Variants in HSDL2 observed in about 807,000 individuals in gnomAD.
The protein encoded by HSDL2 is hydroxysteroid dehydrogenase-like protein 2.
Under a neutral mutation model 46.3 loss-of-function variants are expected in HSDL2, and 27 were observed. The observed-to-expected ratio is 0.58, with a 90% CI of 0.43 to 0.80. The LOEUF is 0.80. HSDL2 is among the 30% of genes least tolerant of loss of function. The pLI is 0.00. For synonymous variants in HSDL2, 153 were observed against 163.6 expected (o/e 0.94, Z 0.50); for missense variants, 451 against 502.7 (o/e 0.90, Z 0.98).
At chr9:112,458,452 A>G (rs977887136) in intron 9 of HSDL2, among the ~76,000 whole-genome samples, 13 of 151,240 alleles carry the variant, frequency 8.6e-5, no homozygotes, top group African/African-American at 2.9e-4. Flanking sequence ...CAGCCTCCCA[A>G]GTAGCTGGGA....
chr9:112,380,624 G>C lies in HSDL2; in HGVS notation c.17+444G>C, dbSNP rs1270256846. On this transcript the variant is annotated intron_variant, in intron 1 of 10. Transcript: ENST00000398805. ...TGTTTAAAAAATGATTTCCAAATTA[G>C]AAACTAAACCGATCTTAAAACATGG... is the stretch of plus-strand genomic sequence containing the variant. Among the ~76,000 whole-genome samples the C allele has an allele frequency of 3.3e-5, 5 of 152,142 alleles. No homozygotes were observed. The East Asian group carries it at 9.6e-4, about 29-fold the overall frequency.
intron 10 of HSDL2, among the ~76,000 whole-genome samples, chr9:112,469,074 A>T (rs1203928755): frequency 6.6e-6 from 1 of 152,130 alleles, no homozygotes; most frequent in Non-Finnish European, 1.5e-5. Context: ...ATTATTTGTA[A>T]GTATTGGGAT....
chr9:112,385,495 AT>A (rs60858988), intron 1 of HSDL2, among the ~76,000 whole-genome samples: 14 of 130,866 alleles, frequency 1.1e-4, no homozygotes, highest in East Asian at 4.3e-4. Flanking sequence ...CACCTGGCTA[AT>A]TTTTTTTTTT....
intron 9 of HSDL2, among the ~76,000 whole-genome samples, chr9:112,458,061 C>T (rs1042600891): frequency 6.6e-6 from 1 of 151,766 alleles, no homozygotes; most frequent in South Asian, 2.1e-4. Context: ...CCTAGACTGC[C>T]TCACAAGCTC....
intron 7 of HSDL2, among the ~76,000 whole-genome samples, chr9:112,440,517 G>A (rs1334439612): frequency 2.0e-5 from 3 of 152,094 alleles, no homozygotes; most frequent in Admixed American, 6.5e-5. Flanking sequence ...ACATGTCTTG[G>A]AGTTATCAGT....
At chr9:112,421,694 C>G (rs1832128087) in intron 6 of HSDL2, among the ~76,000 whole-genome samples, 1 of 152,140 alleles carries the variant, frequency 6.6e-6, no homozygotes, top group Non-Finnish European at 1.5e-5. Context: ...AGCCACTGCA[C>G]CGGCCTTATT....
chr9:112,399,977 A>ATCTCTTAATT (rs1831552213), intron 1 of HSDL2, among the ~76,000 whole-genome samples: 1 of 152,236 alleles, frequency 6.6e-6, no homozygotes, highest in Non-Finnish European at 1.5e-5. Flanking sequence ...ATTAAAGTAA[A>ATCTCTTAATT]GACAGGCATA....
At chr9:112,380,296 G>A in intron 1 of HSDL2, 116 bp downstream of exon 1, 1 of 951,008 alleles carries the variant, frequency 1.1e-6, no homozygotes, top group Non-Finnish European at 1.6e-6. Flanking sequence ...CAAGGATACT[G>A]CCTGGGCACG....
At chr9:112,391,712 C>T (rs1201498368) in intron 1 of HSDL2, among the ~76,000 whole-genome samples, 1 of 151,770 alleles carries the variant, frequency 6.6e-6, no homozygotes, top group Non-Finnish European at 1.5e-5. Flanking sequence ...TCAAGACCAG[C>T]CCAACCAAAA....
In HSDL2 at chr9:112,404,063, AAGC is replaced by A. The variant is rs1252069850; in HGVS notation, c.91_93del (p.Ala31del). 6.2e-7 allele frequency: 1 copy of A among 1,614,202 alleles called. No individual in the cohort carries two copies. The highest frequency in any genetic ancestry group is 8.5e-7 in the Non-Finnish European group (1 of 1,180,022). ...GGCATTGGCAAAGCTATTGCATTGA[AAGC>A]AGCAAAGGATGGAGCAAATATTGTT... On this transcript the variant is annotated inframe_deletion, in exon 2 of 11. Transcript: ENST00000398805.
At chr9:112,429,535 C>A (rs538809082) in intron 6 of HSDL2, among the ~76,000 whole-genome samples, 7 of 152,286 alleles carry the variant, frequency 4.6e-5, no homozygotes, top group African/African-American at 1.7e-4. Flanking sequence ...AAATTTTATT[C>A]ATACAATAAA....
intron 6 of HSDL2, among the ~76,000 whole-genome samples, chr9:112,432,536 T>C (rs1207240143): frequency 6.6e-6 from 1 of 152,224 alleles, no homozygotes; most frequent in African/African-American, 2.4e-5. Flanking sequence ...AAAGCTTATA[T>C]AATAGGCAGA....
chr9:112,404,520 C>A (rs541124705), intron 2 of HSDL2, among the ~76,000 whole-genome samples: 71 of 150,662 alleles, frequency 4.7e-4, no homozygotes, highest in African/African-American at 1.6e-3. Flanking sequence ...GGTGACAGAG[C>A]GAGACTCCAT....
Position 112,380,137 on chromosome 9 carries a change from C to T in HSDL2, c.-27C>T, listed in dbSNP as rs999466900. On this transcript the variant is annotated 5_prime_UTR_variant, in exon 1 of 11. Transcript: ENST00000398805. Reference sequence around the variant, plus strand: ...CTCTGCTCGCCGCCGCCGCTGTCGCCGCCACCTCCTCTGATCTACGAAAGT... The same window carrying T: ...CTCTGCTCGCCGCCGCCGCTGTCGCTGCCACCTCCTCTGATCTACGAAAGT... 6.4e-6 allele frequency: 10 copies of T among 1,561,254 alleles called. No homozygotes were observed. The African/African-American group carries it at 1.1e-4, about 17-fold the overall frequency.
At chr9:112,426,341 T>C (rs529384895) in intron 6 of HSDL2, among the ~76,000 whole-genome samples, 1 of 152,016 alleles carries the variant, frequency 6.6e-6, no homozygotes, top group African/African-American at 2.4e-5. Flanking sequence ...GTTCAAGCGA[T>C]TCTCATGCCT....
In HSDL2 at chr9:112,390,065, AAAATAAAT is replaced by A. The variant is rs55985147; in HGVS notation, c.17+9913_17+9920del. On this transcript the variant is annotated intron_variant, in intron 1 of 10. Coordinates refer to ENST00000398805, the MANE Select transcript of HSDL2 (RefSeq NM_032303.5). ...GGGCAACAGAGTGAGACTCTGTCTC[AAAATAAAT>A]AAATAAATAAATAAATAAATAAATA... 6.9e-3 allele frequency among the ~76,000 whole-genome samples: 986 copies of A among 143,244 alleles called. 39 individuals carry two copies. In the East Asian group the frequency reaches 0.12, roughly 18 times the overall value. 94.0% of individuals were successfully genotyped at this position (143,244 alleles called of 152,430 possible). A position where few individuals can be genotyped will look rare whatever the true frequency, so the allele number is the denominator to read the frequency against.
chr9:112,391,305 A>C lies in HSDL2; in HGVS notation c.17+11125A>C, dbSNP rs1035562923. Among the ~76,000 whole-genome samples the C allele has an allele frequency of 1.1e-4, 17 of 151,910 alleles. No homozygotes were observed. The South Asian group carries it at 1.7e-3, about 15-fold the overall frequency. On this transcript the variant is annotated intron_variant, in intron 1 of 10. Transcript: ENST00000398805. The stretch of plus-strand genomic sequence containing the variant: ...ACATAGCAAGACCCTGTCCCCCCCC[A>C]AAAAATAAAAAAATTAAATTAACCA...
chr9:112,380,272 C>T lies in HSDL2; in HGVS notation c.17+92C>T, dbSNP rs1303727907. Reference sequence around the variant, plus strand: ...CGCGGATCGCCCGGGCTGGCCGGCCCGGCTGTGGGAGGTCAAGGATACTGC... The same window carrying T: ...CGCGGATCGCCCGGGCTGGCCGGCCTGGCTGTGGGAGGTCAAGGATACTGC... On this transcript the variant is annotated intron_variant, in intron 1 of 10. Transcript: ENST00000398805. 3.8e-6 allele frequency: 5 copies of T among 1,319,466 alleles called. No individual in the cohort carries two copies. In the East Asian group the frequency reaches 8.0e-5, roughly 21 times the overall value. The allele number at this position is 1,319,466 out of a possible 1,614,324, so 81.7% of individuals were successfully genotyped here.
chr9:112,394,357 T>C (rs1831413515), intron 1 of HSDL2, among the ~76,000 whole-genome samples: 1 of 152,154 alleles, frequency 6.6e-6, no homozygotes, highest in Non-Finnish European at 1.5e-5. Flanking sequence ...AAGAACGAGC[T>C]GAACTACCTA....
Sources: gnomAD v4.1 joint callset for allele counts (sites outside exome capture counted in the v4.1 genomes callset) on GRCh38, gnomAD v4.1.1 for gene constraint, MANE v1.5 for transcripts, NCBI Gene and HGNC (gene_info 2026-07-23, HGNC 2026-07-21) for gene names.